Variants in RPP30 observed in about 807,000 individuals in gnomAD.
The protein encoded by RPP30 is ribonuclease P protein subunit p30.
RPP30 carries 36 observed loss-of-function variants against 38.6 expected under a neutral mutation model. The ratio of observed to expected loss-of-function variants is 0.93; its 90% confidence interval spans 0.71 to 1.23. The LOEUF (loss-of-function observed/expected upper bound fraction) is 1.23, where lower values mean the gene tolerates loss of function less well. RPP30 is among the 50% of genes most tolerant of loss of function. The probability of loss-of-function intolerance (pLI) is 0.00; values close to 1 mark genes in which losing one functional copy is unlikely to be tolerated. For missense variants in RPP30, 321 were observed against 321.7 expected, an observed-to-expected ratio of 1.00 and a Z score of 0.02; for synonymous variants, 126 against 112.7, an observed-to-expected ratio of 1.12 and a Z score of -0.75.
rs1053018486 is a variant in RPP30, at chr10:90,887,322, A to G, written c.432+1421A>G. On this transcript the variant is annotated intron_variant, in intron 6 of 10. Coordinates refer to ENST00000371703, the MANE Select transcript of RPP30 (RefSeq NM_006413.5). ...TATGTTCTACCCCTAAAAATATGCT[A>G]CTCAAACTAAAAATATATCATCATA... Among the ~76,000 whole-genome samples, 3 of 152,116 alleles carry G rather than the reference A, an allele frequency of 2.0e-5. No homozygotes were observed. In the South Asian group the frequency reaches 6.2e-4, roughly 32 times the overall value.
At chr10:90,905,534 T>C (rs1188405814), downstream of RPP30, 3 of 152,232 alleles carry the variant, frequency 2.0e-5, no homozygotes, top group Non-Finnish European at 4.4e-5. Context: ...CTCATTCCCT[T>C]ATAGAGGACT....
At chr10:90,872,566 G>T (rs1846795097) in intron 1 of RPP30, among the ~76,000 whole-genome samples, 2 of 152,136 alleles carry the variant, frequency 1.3e-5, no homozygotes, top group Non-Finnish European at 2.9e-5. Context: ...ATACACAGCG[G>T]AGTGGAGGTG....
downstream of RPP30, among the ~76,000 whole-genome samples, chr10:90,906,488 T>C (rs1235349782): frequency 2.6e-5 from 4 of 152,216 alleles, no homozygotes; most frequent in Non-Finnish European, 2.9e-5. Flanking sequence ...ATAAGACATT[T>C]TTAGGAGTTT....
intron 6 of RPP30, 36 bp from the exon 7 acceptor site, chr10:90,894,739 G>A (rs758298299): frequency 1.4e-6 from 2 of 1,455,622 alleles, no homozygotes; most frequent in Non-Finnish European, 1.9e-6. Flanking sequence ...GCCAGTGCAT[G>A]CTTATCTCTG....
intron 1 of RPP30, 26 bp downstream of exon 1, chr10:90,872,094 G>A (rs372895154): frequency 1.2e-5 from 19 of 1,599,448 alleles, no homozygotes; most frequent in Non-Finnish European, 1.6e-5. Context: ...TTCGCGCCTG[G>A]CCAACCTCAT....
intron 5 of RPP30, among the ~76,000 whole-genome samples, 158 bp from the exon 6 acceptor site, chr10:90,885,654 A>G (rs1455141570): frequency 2.0e-5 from 3 of 152,248 alleles, no homozygotes; most frequent in Non-Finnish European, 2.9e-5. Flanking sequence ...AAAGAGTAGC[A>G]AAACAGTTGA....
chr10:90,901,307 T>G lies in RPP30; in HGVS notation c.*628T>G, dbSNP rs1423048168. The G allele has an allele frequency of 2.8e-5, 28 of 985,104 alleles. No homozygotes were observed. In the Admixed American group the frequency reaches 1.2e-3, roughly 43 times the overall value. The allele number at this position is 985,104 out of a possible 1,614,324, so 61.0% of individuals were successfully genotyped here. A position where few individuals can be genotyped will look rare whatever the true frequency, so the allele number is the denominator to read the frequency against. On this transcript the variant is annotated 3_prime_UTR_variant, in exon 11 of 11. Transcript: ENST00000371703. ...CAGATGTTTGAATATTTTAAGAGCT[T>G]CTTTCGAAAGTTTCTTGTTCATACT... is the stretch of plus-strand genomic sequence containing the variant.
chr10:90,893,707 T>G lies in RPP30; in HGVS notation c.433-1068T>G, dbSNP rs117047000. 1.6e-4 allele frequency among the ~76,000 whole-genome samples: 24 copies of G among 152,310 alleles called. No individual in the cohort carries two copies. The East Asian group carries it at 4.4e-3, about 28-fold the overall frequency. ...CTCCCTCTGAAAGTGCACCTTCCTC[T>G]ACTATTTAACTGCTTAATTTCTTCC... On this transcript the variant is annotated intron_variant, in intron 6 of 10. Coordinates refer to ENST00000371703, the MANE Select transcript of RPP30 (RefSeq NM_006413.5).
Position 90,902,149 on chromosome 10 carries a change from C to A in RPP30, c.*1470C>A. 1 of 988,310 alleles carries A rather than the reference C, an allele frequency of 1.0e-6. No individual in the cohort carries two copies. Among genetic ancestry groups the A allele is most frequent in the Non-Finnish European group, 1.2e-6 (1 of 828,044 alleles). 61.2% of individuals were successfully genotyped at this position (988,310 alleles called of 1,614,324 possible). A position where few individuals can be genotyped will look rare whatever the true frequency, so the allele number is the denominator to read the frequency against. ...AGCTTTATAACCTCACCAATGAATACAAATGTTTAAATAAAATATTGATTA... is the reference window on the plus strand; with the variant it reads ...AGCTTTATAACCTCACCAATGAATAAAAATGTTTAAATAAAATATTGATTA... On this transcript the variant is annotated 3_prime_UTR_variant, in exon 11 of 11. Transcript: ENST00000371703.
intron 7 of RPP30, 97 bp from the exon 8 acceptor site, chr10:90,895,357 C>A: frequency 1.4e-6 from 1 of 696,464 alleles, no homozygotes; most frequent in Non-Finnish European, 2.4e-6. Context: ...GGTATTTGAG[C>A]CTTAAATGTT....
At chr10:90,875,657 A>C (rs1395533459) in intron 3 of RPP30, 43 bp downstream of exon 3, 2 of 1,503,728 alleles carry the variant, frequency 1.3e-6, no homozygotes, top group Non-Finnish European at 1.9e-6. Context: ...CTATTTATTC[A>C]GTTAAAAGGT....
intron 5 of RPP30, among the ~76,000 whole-genome samples, chr10:90,884,732 A>G (rs891314176): frequency 2.0e-5 from 3 of 152,280 alleles, no homozygotes; most frequent in East Asian, 3.9e-4. Flanking sequence ...AAAGGGCAAG[A>G]TACGGTATTC....
Position 90,875,058 on chromosome 10 carries a change from A to G in RPP30, c.138+134A>G, listed in dbSNP as rs181987986. 73 of 508,530 alleles carry G rather than the reference A, an allele frequency of 1.4e-4. 2 individuals are homozygous for G. Among genetic ancestry groups the G allele is most frequent in the Middle Eastern group, 5.5e-4 (1 of 1,824 alleles). 31.5% of individuals were successfully genotyped at this position (508,530 alleles called of 1,614,324 possible). On this transcript the variant is annotated intron_variant, in intron 2 of 10. Transcript: ENST00000371703. ...TTGTGCACTACTACTTTTCTATTTT[A>G]TATAGAAACAGTCGAGCTGATGCAT...
downstream of RPP30, among the ~76,000 whole-genome samples, chr10:90,906,581 T>C (rs1214305336): frequency 6.6e-6 from 1 of 152,054 alleles, no homozygotes; most frequent in African/African-American, 2.4e-5. Flanking sequence ...TTTAGAAAAA[T>C]CCCTCTATCT....
chr10:90,892,066 T>C (rs535292031), intron 6 of RPP30, among the ~76,000 whole-genome samples: 1 of 152,364 alleles, frequency 6.6e-6, no homozygotes, highest in Non-Finnish European at 1.5e-5. Context: ...AGTACCAATG[T>C]ATCTTGATTC....
Position 90,901,662 on chromosome 10 carries a change from A to G in RPP30, c.*983A>G. The stretch of plus-strand genomic sequence containing the variant: ...GGAAATAATTTATTTTTATAATGGG[A>G]TCATGTTAAGTAGAAGTAGCTTTTT... On this transcript the variant is annotated 3_prime_UTR_variant, in exon 11 of 11. Coordinates refer to ENST00000371703, the MANE Select transcript of RPP30 (RefSeq NM_006413.5). 1.0e-6 allele frequency: 1 copy of G among 985,038 alleles called. No homozygotes were observed. The highest frequency in any genetic ancestry group is 1.2e-6 in the Non-Finnish European group (1 of 829,596). 61.0% of individuals were successfully genotyped at this position (985,038 alleles called of 1,614,324 possible).
In RPP30 at chr10:90,875,832, C is replaced by T. The variant is rs534443384; in HGVS notation, c.196-192C>T. Among the ~76,000 whole-genome samples, 8 of 152,166 alleles carry T rather than the reference C, an allele frequency of 5.3e-5. No individual in the cohort carries two copies. The East Asian group carries it at 1.2e-3, about 22-fold the overall frequency. On this transcript the variant is annotated intron_variant, in intron 3 of 10. Coordinates refer to ENST00000371703, the MANE Select transcript of RPP30 (RefSeq NM_006413.5). ...AAGTCCTACAATTTTTAAATTATCT[C>T]GTTATGTAGTTTAAGATATATACAT...
At chr10:90,873,051 C>A (rs1444349934) in intron 1 of RPP30, among the ~76,000 whole-genome samples, 8 of 152,156 alleles carry the variant, frequency 5.3e-5, no homozygotes, top group Admixed American at 5.2e-4. Flanking sequence ...ATTATTACCT[C>A]CTCAATGAGG....
chr10:90,903,680 C>T (rs1001746299), downstream of RPP30, among the ~76,000 whole-genome samples: 3 of 152,156 alleles, frequency 2.0e-5, no homozygotes, highest in African/African-American at 7.2e-5. Context: ...TTAGAATGAA[C>T]CACTAATTTA....
Sources: allele counts gnomAD v4.1 joint callset (sites outside exome capture counted in the v4.1 genomes callset), GRCh38; gene constraint gnomAD v4.1.1; transcripts MANE v1.5; gene names NCBI Gene and HGNC (gene_info 2026-07-23, HGNC 2026-07-21).